The following DNAH5 variants were observed in gnomAD, a reference collection of about 807,000 sequenced individuals.
DNAH5 encodes axonemal beta dynein heavy chain 5.
Under a neutral mutation model 518.2 loss-of-function variants are expected in DNAH5, and 372 were observed. The ratio of observed to expected loss-of-function variants is 0.72; its 90% CI spans 0.66 to 0.78. DNAH5 has a LOEUF of 0.78. Among genes scored for constraint, DNAH5 ranks in the 30% least tolerant of loss-of-function variants. The probability of loss-of-function intolerance (pLI) is 0.00; values close to 1 mark genes in which losing one functional copy is unlikely to be tolerated. For synonymous variants in DNAH5, 2,039 were observed against 2,025.9 expected (o/e 1.01, Z -0.17); for missense variants, 5,523 against 5,687.0 (o/e 0.97, Z 0.93).
rs1771496435 is a variant in DNAH5 at position 13,880,403 on chromosome 5, C to A, written c.3262+2325G>T. On this transcript the variant is annotated intron_variant, in intron 21 of 78. Transcript: ENST00000265104. The stretch of plus-strand genomic sequence containing the variant: ...TAAGTATATTGGCAAATCCAAAACA[C>A]TCTAATACTGTAATGGTGGTGGGTA... 3.3e-5 allele frequency among the ~76,000 whole-genome samples: 5 copies of A among 151,994 alleles called. No homozygotes were observed. The South Asian group carries it at 1.0e-3, about 32-fold the overall frequency.
At chr5:13,839,046 G>A (rs1036668964) in intron 35 of DNAH5, among the ~76,000 whole-genome samples, 18 of 150,110 alleles carry the variant, frequency 1.2e-4, no homozygotes, top group South Asian at 6.4e-4. Flanking sequence ...AGCAGCCCCC[G>A]CAAGGCCCAC....
chr5:13,876,595 C>G, intron 22 of DNAH5, 89 bp downstream of exon 22: 1 of 1,499,066 alleles, frequency 6.7e-7, no homozygotes, highest in Non-Finnish European at 9.1e-7. Context: ...GAGACCCAGG[C>G]TACATAAAGG....
chr5:13,890,140 C>T (rs1772995901), intron 17 of DNAH5, among the ~76,000 whole-genome samples: 1 of 152,160 alleles, frequency 6.6e-6, no homozygotes, highest in Non-Finnish European at 1.5e-5. Context: ...GGCGCAGTGG[C>T]TCACGCCTGT....
chr5:13,720,941 G>T, intron 71 of DNAH5, 59 bp downstream of exon 71: 1 of 1,609,730 alleles, frequency 6.2e-7, no homozygotes, highest in East Asian at 2.2e-5. Flanking sequence ...CTTCTGCATT[G>T]CTATTCTATA....
In DNAH5 at chr5:13,823,380, G is replaced by T. The variant is rs563828042; in HGVS notation, c.6580-10C>A. The T allele has an allele frequency of 3.4e-5, 54 of 1,566,594 alleles. No individual in the cohort carries two copies. Among genetic ancestry groups the T allele is most frequent in the Non-Finnish European group, 4.3e-5 (49 of 1,137,312 alleles). On this transcript the variant is annotated splice_polypyrimidine_tract_variant and intron_variant, in intron 39 of 78. Coordinates refer to ENST00000265104, the MANE Select transcript of DNAH5 (RefSeq NM_001369.3). The stretch of plus-strand genomic sequence containing the variant: ...GTTCATCCTCATCAATCTAAAAAAA[G>T]AAAATGGGAAATCAGACCAATTATT...
rs1561407249 is a variant in DNAH5, at chr5:13,842,437, A to AG, written c.5272-534_5272-533insC. Among the ~76,000 whole-genome samples the AG allele has an allele frequency of 3.0e-3, 274 of 91,260 alleles. 41 individuals are homozygous for AG. Among genetic ancestry groups the AG allele is most frequent in the East Asian group, 9.5e-3 (24 of 2,528 alleles). 59.9% of individuals were successfully genotyped at this position (91,260 alleles called of 152,430 possible). A position where few individuals can be genotyped will look rare whatever the true frequency, so the allele number is the denominator to read the frequency against. Reference sequence around the variant, plus strand: ...GAAAAGAAAAGAAAAGAAAGAAAGAAAGAAAGAAAGAAAGAAAGAAAGAAA... The same window carrying AG: ...GAAAAGAAAAGAAAAGAAAGAAAGAAGAGAAAGAAAGAAAGAAAGAAAGAAA... On this transcript the variant is annotated intron_variant, in intron 32 of 78. Transcript: ENST00000265104.
intron 42 of DNAH5, among the ~76,000 whole-genome samples, chr5:13,815,385 T>C (rs1761315149): frequency 6.6e-6 from 1 of 152,128 alleles, no homozygotes; most frequent in African/African-American, 2.4e-5. Context: ...TGTAATACAA[T>C]GGACTGAATG....
rs550857650 is a variant in DNAH5, at chr5:13,707,734, T to C, written c.13338+389A>G. ...ACTTTTGATGTTAGGGTGAGGCATG[T>C]TTCCTTCTATGAAACCAACATCATG... On this transcript the variant is annotated intron_variant, in intron 76 of 78. Coordinates refer to ENST00000265104, the MANE Select transcript of DNAH5 (RefSeq NM_001369.3). This position sits in a 1 kb window ranked among gnomAD's most constrained non-coding sequence, Gnocchi z 4.0. Among the ~76,000 whole-genome samples the C allele has an allele frequency of 6.6e-6, 1 of 152,038 alleles. No homozygotes were observed. Among genetic ancestry groups the C allele is most frequent in the Admixed American group, 6.5e-5 (1 of 15,274 alleles).
intron 19 of DNAH5, among the ~76,000 whole-genome samples, chr5:13,883,771 AT>A (rs1771988021): frequency 6.6e-6 from 1 of 152,204 alleles, no homozygotes; most frequent in Non-Finnish European, 1.5e-5. Context: ...GCCAACATTT[AT>A]TAAGTTCTAA....
At chr5:13,701,257 G>C (rs368876786) in intron 77 of DNAH5, 27 bp downstream of exon 77, 2 of 1,613,654 alleles carry the variant, frequency 1.2e-6, no homozygotes, top group Middle Eastern at 1.6e-4. Flanking sequence ...TTATAATAAC[G>C]CAACGGGTGC....
intron 58 of DNAH5, 32 bp downstream of exon 58, chr5:13,768,928 A>C: frequency 6.2e-7 from 1 of 1,613,484 alleles, no homozygotes; most frequent in Non-Finnish European, 8.5e-7. Context: ...TTAAGCCCTA[A>C]AGCTGACATC....
rs1294687964 is a variant in DNAH5 at position 13,850,761 on chromosome 5, C to T, written c.5005G>A (p.Ala1669Thr). ...TGGACTACACTGGGCACTTCATGTGCCCGAGTCATGATCTTCACCCAAGAT... is the reference window on the plus strand; with the variant it reads ...TGGACTACACTGGGCACTTCATGTGTCCGAGTCATGATCTTCACCCAAGAT... The part of the protein sequence containing the change: ...DKSWVKIMTR[A>T]HEVPSVVQCC... The change falls in exon 31 of 79, where the codon GCA becomes ACA. Residue 1669 changes from alanine (A) to threonine (T), a missense_variant. Ala to Thr is a moderately conservative substitution (Grantham distance 58). Transcript: ENST00000265104. The T allele has an allele frequency of 2.5e-6, 4 of 1,614,122 alleles. No individual in the cohort carries two copies. The highest frequency in any genetic ancestry group is 3.4e-6 in the Non-Finnish European group (4 of 1,180,008).
chr5:13,913,135 C>T (rs1255257051), intron 11 of DNAH5, among the ~76,000 whole-genome samples: 4 of 151,904 alleles, frequency 2.6e-5, no homozygotes, highest in Admixed American at 6.6e-5. Flanking sequence ...TGACTATGTC[C>T]ATATTAAGAA....
intron 28 of DNAH5, among the ~76,000 whole-genome samples, chr5:13,864,009 C>G (rs1033974058): frequency 6.6e-6 from 1 of 152,216 alleles, no homozygotes; most frequent in Non-Finnish European, 1.5e-5. Context: ...AACCACACAA[C>G]CACACTCCCT....
chr5:13,766,294 A>G, intron 58 of DNAH5, 115 bp from the exon 59 acceptor site: 1 of 1,107,058 alleles, frequency 9.0e-7, no homozygotes, highest in Non-Finnish European at 1.4e-6. Flanking sequence ...TTTAAGTTAG[A>G]TGCAGGCCAC....
intron 1 of DNAH5, among the ~76,000 whole-genome samples, chr5:13,962,092 A>G (rs1381012025): frequency 6.6e-6 from 1 of 152,170 alleles, no homozygotes; most frequent in Non-Finnish European, 1.5e-5. Flanking sequence ...ATATATGCAT[A>G]TACCCATGAA....
chr5:13,711,222 T>G (rs1398273461), intron 75 of DNAH5, among the ~76,000 whole-genome samples: 1 of 152,104 alleles, frequency 6.6e-6, no homozygotes. Flanking sequence ...CATACGCAAG[T>G]CAATAAATGT....
intron 52 of DNAH5, among the ~76,000 whole-genome samples, chr5:13,784,679 C>T (rs1300219703): frequency 1.3e-5 from 2 of 152,138 alleles, no homozygotes; most frequent in Admixed American, 6.5e-5. Flanking sequence ...TGGTTCCTCA[C>T]GGTGGAACCT....
At chr5:13,771,106 G>T in intron 55 of DNAH5, 126 bp from the exon 56 acceptor site, 1 of 801,840 alleles carries the variant, frequency 1.2e-6, no homozygotes. Context: ...CCCCAGCTAG[G>T]TAGATCTGTG....
Sources: gnomAD v4.1 joint callset for allele counts (sites outside exome capture counted in the v4.1 genomes callset) on GRCh38, gnomAD v4.1.1 for gene constraint, Gnocchi (gnomAD v3.1) non-coding constraint, MANE v1.5 for transcripts, NCBI Gene and HGNC (gene_info 2026-07-23, HGNC 2026-07-21) for gene names.